The following PTPRS variants were observed in gnomAD, a reference collection of about 807,000 sequenced individuals.
PTPRS encodes the protein receptor-type tyrosine-protein phosphatase S.
In PTPRS, 63 loss-of-function variants were observed where a neutral mutation model predicts 215.3. The observed-to-expected ratio is 0.29, with a 90% CI of 0.24 to 0.36. The LOEUF (loss-of-function observed/expected upper bound fraction) is 0.36. Among genes scored for constraint, PTPRS ranks in the 10% least tolerant of loss-of-function variants. The pLI is 1.00. For missense variants in PTPRS, 2,258 were observed against 2,825.8 expected, an observed-to-expected ratio of 0.80 and a Z score of 4.56; for synonymous variants, 1,404 against 1,191.4, an observed-to-expected ratio of 1.18 and a Z score of -3.68.
rs2043600890 is a variant in PTPRS at position 5,237,789 on chromosome 19, G to A, written c.1849+1130C>T. Among the ~76,000 whole-genome samples the A allele has an allele frequency of 6.6e-6, 1 of 152,154 alleles. No individual in the cohort carries two copies. Among genetic ancestry groups the A allele is most frequent in the South Asian group, 2.1e-4 (1 of 4,822 alleles). Reference sequence around the variant, plus strand: ...CACACAGACGCGCCCAGACGCCTTGGAGCCGCCAGGTGCTCAGCTCGGCTT... The same window carrying A: ...CACACAGACGCGCCCAGACGCCTTGAAGCCGCCAGGTGCTCAGCTCGGCTT... On this transcript the variant is annotated intron_variant, in intron 13 of 37. Transcript: ENST00000262963. The surrounding 1 kb of genome is among the most constrained non-coding windows in gnomAD (Gnocchi z 4.2).
intron 4 of PTPRS, among the ~76,000 whole-genome samples, chr19:5,265,931 T>G: frequency 6.6e-6 from 1 of 152,104 alleles, no homozygotes; most frequent in East Asian, 1.9e-4. Flanking sequence ...GCCTTTCTTT[T>G]TATCTTTTAA....
At chr19:5,231,244 G>A in intron 14 of PTPRS, 66 bp downstream of exon 14, 2 of 1,485,424 alleles carry the variant, frequency 1.3e-6, no homozygotes, top group South Asian at 1.3e-5. Context: ...TTTCCAGATG[G>A]AAGGCTTCGA....
Position 5,212,088 on chromosome 19 carries a change from G to T in PTPRS, c.4932C>A (p.Ala1644=), listed in dbSNP as rs2040952478. Residue 1644 remains alanine (A), a synonymous_variant, in exon 32 of 38, where the codon GCC becomes GCA. Coordinates refer to ENST00000262963, the MANE Select transcript of PTPRS (RefSeq NM_002850.4). The stretch of plus-strand genomic sequence containing the variant: ...TGCCACAGCCCACGGCCTCCAGCAG[G>T]GCCTCGTGGATGAAGCTGTACTGGT... ...TEDQYSFIHE[A]LLEAVGCGNT... is the part of the protein sequence containing the mutation. 6.2e-7 allele frequency: 1 copy of T among 1,614,080 alleles called. No homozygotes were observed. The highest frequency in any genetic ancestry group is 8.5e-7 in the Non-Finnish European group (1 of 1,180,048).
In PTPRS at chr19:5,208,369, C is replaced by T. The variant is rs368767528; in HGVS notation, c.5510G>A (p.Arg1837Gln). 1.2e-6 allele frequency: 2 copies of T among 1,610,270 alleles called. No individual in the cohort carries two copies. The highest frequency in any genetic ancestry group is 2.2e-5 in the East Asian group (1 of 44,874). The change falls in exon 36 of 38, where the codon CGG becomes CAG. Residue 1837 changes from arginine (R) to glutamine (Q), a missense_variant. This residue lies in a region of PTPRS where 927 missense variants were observed against 1,125.9 expected (regional missense o/e 0.82). Coordinates refer to ENST00000262963, the MANE Select transcript of PTPRS (RefSeq NM_002850.4). ...DARDGQSRTV[R>Q]QFQFTDWPEQ... ...CGGCCAGTCTGTGAACTGGAACTGC[C>T]GGACAGTCCGGGACTGGCCATCCTA...
At chr19:5,218,617 T>C (rs2041699325) in intron 24 of PTPRS, 85 bp from the exon 25 acceptor site, 1 of 1,530,848 alleles carries the variant, frequency 6.5e-7, no homozygotes, top group Non-Finnish European at 9.1e-7. Context: ...GAATGCATGG[T>C]AAGAAAAGGA....
At chr19:5,304,965 G>T (rs759179346) in intron 1 of PTPRS, among the ~76,000 whole-genome samples, 1 of 150,200 alleles carries the variant, frequency 6.7e-6, no homozygotes. Flanking sequence ...GGGGGGTGGG[G>T]TGGCAGAACT....
In PTPRS at chr19:5,244,894, T is replaced by A. The variant is rs1180060964; in HGVS notation, c.989-412A>T. Reference sequence around the variant, plus strand: ...TGTGTTAGCCAGGATGGTCTCGATCTCCTGACCTCGTGATCCGCCCGCCTC... The same window carrying A: ...TGTGTTAGCCAGGATGGTCTCGATCACCTGACCTCGTGATCCGCCCGCCTC... On this transcript the variant is annotated intron_variant, in intron 10 of 37. Transcript: ENST00000262963. This position sits in a 1 kb window ranked among gnomAD's most constrained non-coding sequence, Gnocchi z 7.2. Among the ~76,000 whole-genome samples the A allele has an allele frequency of 6.6e-6, 1 of 152,038 alleles. No homozygotes were observed. The highest frequency in any genetic ancestry group is 2.4e-5 in the African/African-American group (1 of 41,396).
chr19:5,332,242 C>G (rs531586947), intron 1 of PTPRS, among the ~76,000 whole-genome samples: 142 of 152,098 alleles, frequency 9.3e-4, no homozygotes, highest in Admixed American at 9.8e-4. Context: ...ATTCTCCTGT[C>G]TCAGCCTCCC....
At chr19:5,228,048 C>T (rs1268592441) in intron 16 of PTPRS, among the ~76,000 whole-genome samples, 1 of 152,080 alleles carries the variant, frequency 6.6e-6, no homozygotes, top group Admixed American at 6.5e-5. Context: ...CCCTGAGCCT[C>T]ACAGTCCATC....
intron 1 of PTPRS, among the ~76,000 whole-genome samples, chr19:5,334,991 A>T (rs2050446922): frequency 6.6e-6 from 1 of 152,210 alleles, no homozygotes; most frequent in Non-Finnish European, 1.5e-5. Flanking sequence ...TTTGCTGATC[A>T]CGGGGGTTAA....
At chr19:5,311,498 G>A (rs1009639629) in intron 1 of PTPRS, among the ~76,000 whole-genome samples, 1 of 152,158 alleles carries the variant, frequency 6.6e-6, no homozygotes, top group African/African-American at 2.4e-5. Context: ...AGGACACGAC[G>A]GTTGTTTTCT....
chr19:5,340,638 G>GT, intron 1 of PTPRS, 26 bp downstream of exon 1: 1 of 141,866 alleles, frequency 7.0e-6, no homozygotes, highest in African/African-American at 2.7e-5. Context: ...TCTAATCCAT[G>GT]ATTTTATTTT....
At chr19:5,217,628 G>A (rs1383623541) in intron 25 of PTPRS, among the ~76,000 whole-genome samples, 1 of 152,202 alleles carries the variant, frequency 6.6e-6, no homozygotes, top group Non-Finnish European at 1.5e-5. Flanking sequence ...AAATACAAAT[G>A]TTTAAAATCT....
intron 1 of PTPRS, among the ~76,000 whole-genome samples, chr19:5,291,114 T>C (rs1421216671): frequency 1.3e-5 from 2 of 151,886 alleles, no homozygotes; most frequent in Admixed American, 6.5e-5. Flanking sequence ...TAATTGACTA[T>C]TGATTTGTAT....
chr19:5,229,461 T>TCCCCGGCCCCG, intron 15 of PTPRS, 30 bp downstream of exon 15: 5 of 1,375,402 alleles, frequency 3.6e-6, no homozygotes, highest in Non-Finnish European at 4.7e-6. Flanking sequence ...CCGGAGCCCG[T>TCCCCGGCCCCG]CCCCGGCCCC....
chr19:5,318,274 G>A (rs2147198630), intron 1 of PTPRS, among the ~76,000 whole-genome samples: 1 of 152,112 alleles, frequency 6.6e-6, no homozygotes, highest in East Asian at 1.9e-4. Flanking sequence ...CCAGGAGGCG[G>A]AGGTTGCAGT....
chr19:5,216,771 C>A lies in PTPRS; in HGVS notation c.4049-4G>T. On this transcript the variant is annotated splice_region_variant and splice_polypyrimidine_tract_variant and intron_variant, in intron 25 of 37. Coordinates refer to ENST00000262963, the MANE Select transcript of PTPRS (RefSeq NM_002850.4). ...AGGGGGCTCCTGAGGCCTGAATCTG[C>A]AAACAGCAAACAATAAATAAATGAA... The A allele has an allele frequency of 6.4e-7, 1 of 1,554,646 alleles. No homozygotes were observed. The highest frequency in any genetic ancestry group is 8.7e-7 in the Non-Finnish European group (1 of 1,144,098).
chr19:5,227,938 A>C (rs866624938), intron 16 of PTPRS, among the ~76,000 whole-genome samples: 192 of 151,618 alleles, frequency 1.3e-3, no homozygotes, highest in African/African-American at 4.4e-3. Flanking sequence ...GCACACACGC[A>C]CCCCCCCAAG....
chr19:5,254,240 G>T (rs1334536506), intron 9 of PTPRS, among the ~76,000 whole-genome samples: 2 of 152,160 alleles, frequency 1.3e-5, no homozygotes, highest in Non-Finnish European at 2.9e-5. Context: ...AAATCTTACT[G>T]CATCTAAAGT....
Sources: allele counts gnomAD v4.1 joint callset (sites outside exome capture counted in the v4.1 genomes callset), GRCh38; gene constraint gnomAD v4.1.1; regional missense constraint gnomAD v4.1.1; non-coding constraint Gnocchi (gnomAD v3.1); transcripts MANE v1.5; gene names NCBI Gene and HGNC (gene_info 2026-07-23, HGNC 2026-07-21).